The following MYRIP variants were observed in gnomAD, a reference collection of about 807,000 sequenced individuals.
The protein encoded by MYRIP is rab effector MyRIP.
MYRIP carries 49 observed loss-of-function variants against 98.0 expected under a neutral mutation model. That is an observed-to-expected ratio of 0.50 (90% CI 0.40 to 0.63). MYRIP has a LOEUF of 0.63. Among genes scored for constraint, MYRIP ranks in the 30% least tolerant of loss-of-function variants. MYRIP has a pLI of 0.00. For missense variants in MYRIP, 1,004 were observed against 1,058.2 expected, an observed-to-expected ratio of 0.95 and a Z score of 0.71; for synonymous variants, 404 against 409.5, an observed-to-expected ratio of 0.99 and a Z score of 0.16.
chr3:39,847,446 C>T (rs1941998061), intron 1 of MYRIP, among the ~76,000 whole-genome samples: 2 of 152,132 alleles, frequency 1.3e-5, no homozygotes, highest in Non-Finnish European at 2.9e-5. Flanking sequence ...AAGAAATACT[C>T]ATGATAGTTA....
Position 40,129,042 on chromosome 3 carries a change from T to C in MYRIP, c.333-22006T>C, listed in dbSNP as rs199520954. On this transcript the variant is annotated intron_variant, in intron 3 of 16. Transcript: ENST00000302541. ...CTCTTCAAAACTTTTTATCACCCAG[T>C]TCAGTTCTTTTTCCTTAAAACAAAA... Among the ~76,000 whole-genome samples, 7 of 152,076 alleles carry C rather than the reference T, an allele frequency of 4.6e-5. No individual in the cohort carries two copies. In the East Asian group the frequency reaches 1.2e-3, roughly 25 times the overall value.
intron 2 of MYRIP, among the ~76,000 whole-genome samples, chr3:39,949,148 C>T (rs1389076496): frequency 6.6e-6 from 1 of 152,116 alleles, no homozygotes; most frequent in Non-Finnish European, 1.5e-5. Context: ...GAGGGAGAAG[C>T]TTATGAATTT....
intron 3 of MYRIP, among the ~76,000 whole-genome samples, chr3:40,060,965 T>A (rs992776862): frequency 6.6e-6 from 1 of 152,224 alleles, no homozygotes; most frequent in Admixed American, 6.5e-5. Context: ...GTGCTTTCAT[T>A]ATAATTCAAC....
Position 40,182,222 on chromosome 3 carries a change from G to A in MYRIP, c.876G>A (p.Arg292=). ...GGYRAPAALW[R]SQSAFSITGE... ...CTTCCCCTCTTTCCTTTCCACAGAG[G>A]TCCCAGTCTGCCTTCTCAATCACTG... The change falls in exon 9 of 17, where the codon AGG becomes AGA. Residue 292 remains arginine, a splice_region_variant and synonymous_variant. Coordinates refer to ENST00000302541, the MANE Select transcript of MYRIP (RefSeq NM_015460.4). 1 of 1,606,616 alleles carries A rather than the reference G, an allele frequency of 6.2e-7. No homozygotes were observed. The highest frequency in any genetic ancestry group is 8.5e-7 in the Non-Finnish European group (1 of 1,176,264).
At chr3:39,884,635 T>C (rs1943240347) in intron 1 of MYRIP, among the ~76,000 whole-genome samples, 1 of 152,138 alleles carries the variant, frequency 6.6e-6, no homozygotes, top group Non-Finnish European at 1.5e-5. Flanking sequence ...TTCTCCCATT[T>C]TATCCAAATG....
chr3:40,045,584 T>C (rs1434799629), intron 3 of MYRIP, among the ~76,000 whole-genome samples: 1 of 152,208 alleles, frequency 6.6e-6, no homozygotes, highest in East Asian at 1.9e-4. Flanking sequence ...ATTCATCATG[T>C]AACACGTTTA....
At chr3:39,961,018 C>T (rs1437749183) in intron 2 of MYRIP, among the ~76,000 whole-genome samples, 1 of 152,190 alleles carries the variant, frequency 6.6e-6, no homozygotes, top group Non-Finnish European at 1.5e-5. Context: ...TCAACCACAG[C>T]AGTTTCCTCT....
At chr3:39,875,794 G>T (rs906703404) in intron 1 of MYRIP, among the ~76,000 whole-genome samples, 1 of 151,588 alleles carries the variant, frequency 6.6e-6, no homozygotes, top group Admixed American at 6.6e-5. Flanking sequence ...GTGTGGTGTG[G>T]TGCTGAAAAA....
chr3:39,936,509 A>T (rs1191577493), intron 2 of MYRIP, among the ~76,000 whole-genome samples: 1 of 152,172 alleles, frequency 6.6e-6, no homozygotes, highest in Non-Finnish European at 1.5e-5. Context: ...GCAGCAAACA[A>T]GACATGGTAG....
chr3:40,078,230 G>C (rs191929397), intron 3 of MYRIP, among the ~76,000 whole-genome samples: 1 of 152,222 alleles, frequency 6.6e-6, no homozygotes, highest in Admixed American at 6.5e-5. Flanking sequence ...AGTGCGGCCC[G>C]CCAAGCCCAC....
rs116216220 is a variant in MYRIP at position 39,839,680 on chromosome 3, G to A, written c.-31+29764G>A. On this transcript the variant is annotated intron_variant, in intron 1 of 16. Transcript: ENST00000302541. Reference sequence around the variant, plus strand: ...TGTGTCCCAGAGTTTCCGGTACATTGTGTCTTTGTTCTCATTGGTTGCAAA... The same window carrying A: ...TGTGTCCCAGAGTTTCCGGTACATTATGTCTTTGTTCTCATTGGTTGCAAA... 5.3e-3 allele frequency among the ~76,000 whole-genome samples: 809 copies of A among 152,250 alleles called. 4 individuals carry two copies. Among genetic ancestry groups the A allele is most frequent in the African/African-American group, 0.018 (764 of 41,534 alleles).
At position 39,959,607 on chromosome 3, in the gene MYRIP, G is replaced by A. The variant is rs537146316; in HGVS notation, c.110+58681G>A. 2.8e-4 allele frequency among the ~76,000 whole-genome samples: 43 copies of A among 151,680 alleles called. 1 individual carries two copies. The highest frequency in any genetic ancestry group is 1.7e-3 in the South Asian group (8 of 4,772). On this transcript the variant is annotated intron_variant, in intron 2 of 16. Transcript: ENST00000302541. ...TTAATGGGTGCAGCACACCAGCATG[G>A]CACATGTATACATATGTAACAAACC...
intron 1 of MYRIP, among the ~76,000 whole-genome samples, chr3:39,830,476 C>G (rs1393613051): frequency 6.6e-6 from 1 of 152,156 alleles, no homozygotes; most frequent in African/African-American, 2.4e-5. Flanking sequence ...CGTCACCATT[C>G]TCACTCTTAC....
chr3:40,134,773 G>A (rs1949725636), intron 3 of MYRIP, among the ~76,000 whole-genome samples: 1 of 152,172 alleles, frequency 6.6e-6, no homozygotes, highest in African/African-American at 2.4e-5. Flanking sequence ...AGGCAAACAG[G>A]ATCTGGAGTG....
chr3:39,839,323 T>C (rs1274554752), intron 1 of MYRIP, among the ~76,000 whole-genome samples: 1 of 152,032 alleles, frequency 6.6e-6, no homozygotes, highest in Admixed American at 6.6e-5. Flanking sequence ...AGTGGCATGA[T>C]CTTGGCTCAC....
intron 3 of MYRIP, among the ~76,000 whole-genome samples, chr3:40,139,987 G>C (rs1449923693): frequency 2.0e-5 from 3 of 152,168 alleles, no homozygotes; most frequent in Non-Finnish European, 2.9e-5. Flanking sequence ...TGTTTTGGCT[G>C]TTATGAATAA....
intron 3 of MYRIP, among the ~76,000 whole-genome samples, chr3:40,088,139 G>T (rs1575528247): frequency 6.6e-6 from 1 of 152,302 alleles, no homozygotes; most frequent in African/African-American, 2.4e-5. Flanking sequence ...GACAGCAGGG[G>T]TCCCCAAGGC....
intron 12 of MYRIP, among the ~76,000 whole-genome samples, chr3:40,234,764 G>A (rs1402388020): frequency 6.6e-6 from 1 of 152,110 alleles, no homozygotes; most frequent in African/African-American, 2.4e-5. Flanking sequence ...GGAGGCTGAG[G>A]CAGGCAGATC....
intron 16 of MYRIP, among the ~76,000 whole-genome samples, chr3:40,257,746 C>T (rs906150723): frequency 6.6e-6 from 1 of 152,150 alleles, no homozygotes; most frequent in African/African-American, 2.4e-5. Flanking sequence ...TGAAATGAAA[C>T]TGATCATTAA....
Sources: allele counts gnomAD v4.1 joint callset (sites outside exome capture counted in the v4.1 genomes callset), GRCh38; gene constraint gnomAD v4.1.1; transcripts MANE v1.5; gene names NCBI Gene and HGNC (gene_info 2026-07-23, HGNC 2026-07-21).